Variants in CSTPP1 observed in about 807,000 individuals in gnomAD.
CSTPP1 encodes centriolar satellite-associated tubulin polyglutamylase complex regulator 1.
the CSTPP1 span, among the ~76,000 whole-genome samples, chr11:47,153,497 G>A: frequency 1.3e-5 from 2 of 152,214 alleles, no homozygotes; most frequent in African/African-American, 2.4e-5. Context: ...GAGGCAGTGT[G>A]CTCTCATGGA....
At chr11:46,946,653 A>G in the CSTPP1 span, among the ~76,000 whole-genome samples, 1 of 152,238 alleles carries the variant, frequency 6.6e-6, no homozygotes, top group Non-Finnish European at 1.5e-5. Flanking sequence ...GCGAGACTCC[A>G]TCTCAAAAAT....
chr11:47,161,634 C>G, the CSTPP1 span: 9 of 1,611,046 alleles, frequency 5.6e-6, no homozygotes, highest in Non-Finnish European at 6.8e-6. Context: ...GAGTCGGAGA[C>G]TTGAGGAGTC....
chr11:47,155,099 C>CCTCCCT, the CSTPP1 span: 5 of 965,926 alleles, frequency 5.2e-6, 1 homozygote, highest in African/African-American at 4.9e-5. Flanking sequence ...CTTTTCCCTT[C>CCTCCCT]CTCCCTCTCC....
the CSTPP1 span, among the ~76,000 whole-genome samples, chr11:46,943,127 G>A: frequency 1.3e-5 from 2 of 152,184 alleles, no homozygotes; most frequent in East Asian, 3.9e-4. Flanking sequence ...ATACGTATAT[G>A]TGAAATGGAA....
chr11:47,105,335 A>G, the CSTPP1 span, among the ~76,000 whole-genome samples: 1 of 152,098 alleles, frequency 6.6e-6, no homozygotes, highest in Non-Finnish European at 1.5e-5. Flanking sequence ...CTCAAAAACA[A>G]TAAATAAATA....
the CSTPP1 span, among the ~76,000 whole-genome samples, chr11:47,102,094 T>G: frequency 6.6e-6 from 1 of 152,188 alleles, no homozygotes; most frequent in African/African-American, 2.4e-5. Flanking sequence ...TTTAGGAGAA[T>G]GATTTGGGGG....
the CSTPP1 span, among the ~76,000 whole-genome samples, chr11:47,040,058 T>C: frequency 2.3e-5 from 3 of 128,740 alleles, 1 homozygote; most frequent in Non-Finnish European, 5.5e-5. Context: ...AGGCTAACTT[T>C]ATAGTGGCAA....
At chr11:47,151,828 GC>G in the CSTPP1 span, among the ~76,000 whole-genome samples, 1 of 151,760 alleles carries the variant, frequency 6.6e-6, no homozygotes. Context: ...CGCTTCACTC[GC>G]CCCCTACTCC....
the CSTPP1 span, among the ~76,000 whole-genome samples, chr11:46,945,354 C>T: frequency 6.2e-3 from 947 of 152,234 alleles, 14 homozygotes; most frequent in African/African-American, 0.022. Context: ...GTGGCTCATG[C>T]CTGTAATCCC....
At chr11:46,964,510 C>A in the CSTPP1 span, among the ~76,000 whole-genome samples, 137 of 152,278 alleles carry the variant, frequency 9.0e-4, no homozygotes, top group African/African-American at 3.3e-3. Flanking sequence ...TGGTCTTGAT[C>A]TCCTGACCTC....
At chr11:47,099,730 G>A in the CSTPP1 span, among the ~76,000 whole-genome samples, 1 of 152,168 alleles carries the variant, frequency 6.6e-6, no homozygotes, top group African/African-American at 2.4e-5. Context: ...ATTGGAGAAA[G>A]TGTTTTCTTT....
the CSTPP1 span, chr11:47,162,301 G>C: frequency 1.0e-6 from 1 of 973,448 alleles, no homozygotes; most frequent in East Asian, 1.1e-4. Context: ...GGGAGTTTGG[G>C]TTTTCGGTGC....
the CSTPP1 span, chr11:47,157,923 G>A: frequency 6.2e-7 from 1 of 1,612,412 alleles, no homozygotes; most frequent in South Asian, 1.1e-5. Flanking sequence ...CAAGCCCTCG[G>A]TAAGTCAGAG....
At chr11:47,099,334 T>C in the CSTPP1 span, among the ~76,000 whole-genome samples, 2 of 152,192 alleles carry the variant, frequency 1.3e-5, no homozygotes, top group African/African-American at 4.8e-5. Context: ...CCTTCTGAAT[T>C]TTCCCATTTA....
At chr11:47,013,163 G>A in the CSTPP1 span, among the ~76,000 whole-genome samples, 2 of 144,642 alleles carry the variant, frequency 1.4e-5, no homozygotes, top group African/African-American at 2.5e-5. Flanking sequence ...ATATATAAAT[G>A]GTTATTATAT....
the CSTPP1 span, among the ~76,000 whole-genome samples, chr11:47,105,873 T>C: frequency 3.9e-5 from 6 of 152,236 alleles, no homozygotes; most frequent in African/African-American, 1.4e-4. Context: ...AAACACAAAG[T>C]AGTTCCCTGG....
chr11:47,084,354 T>A, the CSTPP1 span, among the ~76,000 whole-genome samples: 1 of 152,198 alleles, frequency 6.6e-6, no homozygotes, highest in Non-Finnish European at 1.5e-5. Context: ...GGCCTCTTTA[T>A]TTATTTCCTT....
chr11:47,137,193 C>T, the CSTPP1 span: 2 of 1,020,732 alleles, frequency 2.0e-6, no homozygotes, highest in Non-Finnish European at 2.6e-6. Flanking sequence ...CACAGCAAGA[C>T]TGTTTGCGTT....
chr11:46,947,948 A>T, the CSTPP1 span: 2 of 420,644 alleles, frequency 4.8e-6, no homozygotes, highest in Non-Finnish European at 9.5e-6. Flanking sequence ...TTCCCTTTAA[A>T]TTAATGTGGC....
Sources: gnomAD v4.1 joint callset for allele counts (sites outside exome capture counted in the v4.1 genomes callset) on GRCh38, gnomAD v4.1.1 for gene constraint, MANE v1.5 for transcripts, NCBI Gene and HGNC (gene_info 2026-07-23, HGNC 2026-07-21) for gene names.